The following GRIK2 variants were observed in gnomAD, a reference collection of about 807,000 sequenced individuals.
GRIK2 encodes the protein glutamate ionotropic receptor kainate type subunit 2.
In GRIK2, 32 loss-of-function variants were observed where a neutral mutation model predicts 100.3. The observed-to-expected ratio is 0.32, with a 90% CI of 0.24 to 0.43. The LOEUF is 0.43. Ranked by LOEUF, GRIK2 falls within the 20% of genes least tolerant of loss-of-function variation. The pLI is 1.00. For synonymous variants in GRIK2, 417 were observed against 389.4 expected (o/e 1.07, Z -0.83); for missense variants, 843 against 1,114.9 (o/e 0.76, Z 3.47).
rs572309608 is a variant in GRIK2, at chr6:101,855,521, CCT to C, written c.1318-3765_1318-3764del. Among the ~76,000 whole-genome samples the C allele has an allele frequency of 7.2e-4, 109 of 151,808 alleles. 3 individuals carry two copies. The highest frequency in any genetic ancestry group is 1.8e-4 in the Non-Finnish European group (12 of 67,934). Reference sequence around the variant, plus strand: ...TGTGAAGATCTTAAGATAGATCTTCCCTGTCAGAAAAATCAATCAATCAATCA... The same window carrying C: ...TGTGAAGATCTTAAGATAGATCTTCCGTCAGAAAAATCAATCAATCAATCA... On this transcript the variant is annotated intron_variant, in intron 10 of 16. Transcript: ENST00000369134.
At chr6:101,769,996 G>A (rs942868134) in intron 7 of GRIK2, among the ~76,000 whole-genome samples, 1 of 152,174 alleles carries the variant, frequency 6.6e-6, no homozygotes, top group Non-Finnish European at 1.5e-5. Context: ...GTAAGGTTCT[G>A]ATGGCCTTTG....
rs557817698 is a variant in GRIK2 at position 101,621,810 on chromosome 6, C to G, written c.116-139C>G. 1.3e-4 allele frequency: 81 copies of G among 646,660 alleles called. No homozygotes were observed. The African/African-American group carries it at 1.4e-3, about 11-fold the overall frequency. The allele number at this position is 646,660 out of a possible 1,614,324, so 40.1% of individuals were successfully genotyped here. A position where few individuals can be genotyped will look rare whatever the true frequency, so the allele number is the denominator to read the frequency against. ...CTTAAATCTCTCCCTCTCTCTCTCT[C>G]TTTCTCTCTCTCACACACACACACG... On this transcript the variant is annotated intron_variant, in intron 2 of 16. Transcript: ENST00000369134.
intron 16 of GRIK2, among the ~76,000 whole-genome samples, chr6:102,066,240 A>T (rs891605044): frequency 6.6e-6 from 1 of 151,578 alleles, no homozygotes; most frequent in African/African-American, 2.4e-5. Flanking sequence ...AAACCTGAAA[A>T]TTTTTTAAGC....
intron 7 of GRIK2, among the ~76,000 whole-genome samples, chr6:101,783,046 G>A (rs1221920160): frequency 6.6e-6 from 1 of 151,820 alleles, no homozygotes; most frequent in Non-Finnish European, 1.5e-5. Flanking sequence ...TTTTAGTAGA[G>A]ATGGGGTTTC....
intron 2 of GRIK2, among the ~76,000 whole-genome samples, chr6:101,495,372 G>A (rs1329653041): frequency 6.6e-6 from 1 of 152,040 alleles, no homozygotes; most frequent in African/African-American, 2.4e-5. Context: ...CAGGCGTGGT[G>A]GCGGGCACCT....
At chr6:101,437,738 C>T (rs1269944384) in intron 2 of GRIK2, among the ~76,000 whole-genome samples, 53 of 152,190 alleles carry the variant, frequency 3.5e-4, no homozygotes, top group Non-Finnish European at 5.9e-5. Context: ...CATCATTCCT[C>T]TGAGCTTCAG....
chr6:102,057,969 G>T (rs1156318524), intron 16 of GRIK2, among the ~76,000 whole-genome samples: 1 of 151,690 alleles, frequency 6.6e-6, no homozygotes, highest in African/African-American at 2.4e-5. Context: ...TTGTTTCTAA[G>T]AAGTGGAAGT....
chr6:101,399,046 A>G lies in GRIK2; in HGVS notation c.-232A>G, dbSNP rs542684043. ...ATTTCTCCCGGATGCTCTCCGACTA[A>G]CATGGATGTCCCACCATTCCTTGCA... On this transcript the variant is annotated 5_prime_UTR_variant, in exon 2 of 17. The change abolishes the stop of an existing upstream ORF in the 5' untranslated region. Coordinates refer to ENST00000369134, the MANE Select transcript of GRIK2 (RefSeq NM_021956.5). The G allele has an allele frequency of 2.1e-6, 1 of 475,398 alleles. No homozygotes were observed. Among genetic ancestry groups the G allele is most frequent in the South Asian group, 4.1e-5 (1 of 24,406 alleles). The allele number at this position is 475,398 out of a possible 1,614,324, so 29.4% of individuals were successfully genotyped here.
rs775577571 is a variant in GRIK2 at position 101,626,438 on chromosome 6, A to T, written c.342A>T (p.Ser114=). Residue 114 remains serine, a synonymous_variant, in exon 4 of 17, where the codon TCA becomes TCT. Coordinates refer to ENST00000369134, the MANE Select transcript of GRIK2 (RefSeq NM_021956.5). ...TCTTCGGGCCTTCACACAGCTCATC[A>T]GCAAACGCAGTGCAGTCCATCTGCA... The part of the protein sequence containing the change: ...AAIFGPSHSS[S]ANAVQSICNA... 1.2e-5 allele frequency: 19 copies of T among 1,613,624 alleles called. No homozygotes were observed. The highest frequency in any genetic ancestry group is 1.6e-5 in the Non-Finnish European group (19 of 1,179,820).
At chr6:102,060,991 C>A (rs1028487258) in intron 16 of GRIK2, among the ~76,000 whole-genome samples, 1 of 150,168 alleles carries the variant, frequency 6.7e-6, no homozygotes, top group Non-Finnish European at 1.5e-5. Context: ...TATATCACTG[C>A]CTTTCTTTGA....
At chr6:101,708,600 A>G (rs1176422839) in intron 7 of GRIK2, among the ~76,000 whole-genome samples, 1 of 151,754 alleles carries the variant, frequency 6.6e-6, no homozygotes, top group Non-Finnish European at 1.5e-5. Context: ...TTACTGATAA[A>G]TATGTTGATT....
intron 7 of GRIK2, among the ~76,000 whole-genome samples, chr6:101,780,019 T>C (rs1778991203): frequency 6.6e-6 from 1 of 152,184 alleles, no homozygotes; most frequent in Non-Finnish European, 1.5e-5. Flanking sequence ...TTTATCTAAC[T>C]ATCTCATATG....
intron 7 of GRIK2, among the ~76,000 whole-genome samples, chr6:101,794,009 C>A (rs555335473): frequency 2.6e-5 from 4 of 152,144 alleles, no homozygotes; most frequent in African/African-American, 9.7e-5. Context: ...TAGGACCCTC[C>A]GAGCCAGGTG....
At chr6:101,910,228 G>C (rs1342628953) in intron 12 of GRIK2, among the ~76,000 whole-genome samples, 1 of 151,036 alleles carries the variant, frequency 6.6e-6, no homozygotes, top group African/African-American at 2.4e-5. Flanking sequence ...AAACAGTTTA[G>C]TCAGTTTTTG....
intron 16 of GRIK2, among the ~76,000 whole-genome samples, chr6:102,061,580 T>C (rs1192199156): frequency 6.6e-6 from 1 of 150,592 alleles, no homozygotes; most frequent in Non-Finnish European, 1.5e-5. Context: ...CCTTCCTAGA[T>C]AGTAAGCATG....
intron 2 of GRIK2, among the ~76,000 whole-genome samples, chr6:101,566,182 ATGT>A (rs1365573930): frequency 2.0e-5 from 3 of 151,674 alleles, no homozygotes; most frequent in East Asian, 3.9e-4. Context: ...GTGCAAACCC[ATGT>A]TGTTCAAGAG....
chr6:101,543,415 A>G (rs1259210779), intron 2 of GRIK2, among the ~76,000 whole-genome samples: 2 of 152,204 alleles, frequency 1.3e-5, no homozygotes, highest in African/African-American at 2.4e-5. Flanking sequence ...GTTTTGGCCA[A>G]TGGGGACATT....
rs190941265 is a variant in GRIK2 at position 101,950,225 on chromosome 6, T to C, written c.2085+21593T>C. ...TGTTGTTGTTGCTGGTAATAAATCATTTTCTAAAATCTCTTCTCCCTCTAA... is the reference window on the plus strand; with the variant it reads ...TGTTGTTGTTGCTGGTAATAAATCACTTTCTAAAATCTCTTCTCCCTCTAA... On this transcript the variant is annotated intron_variant, in intron 14 of 16. Coordinates refer to ENST00000369134, the MANE Select transcript of GRIK2 (RefSeq NM_021956.5). Among the ~76,000 whole-genome samples, 427 of 152,240 alleles carry C rather than the reference T, an allele frequency of 2.8e-3. 4 individuals carry two copies. Among genetic ancestry groups the C allele is most frequent in the East Asian group, 0.024 (122 of 5,176 alleles).
chr6:101,878,070 G>GTATATTATAT lies in GRIK2; in HGVS notation c.1525-11517_1525-11508dup, dbSNP rs67537651. Among the ~76,000 whole-genome samples the GTATATTATAT allele has an allele frequency of 3.8e-3, 512 of 135,556 alleles. 5 individuals are homozygous for GTATATTATAT. Among genetic ancestry groups the GTATATTATAT allele is most frequent in the East Asian group, 6.3e-3 (29 of 4,606 alleles). 88.9% of individuals were successfully genotyped at this position (135,556 alleles called of 152,430 possible). A position where few individuals can be genotyped will look rare whatever the true frequency, so the allele number is the denominator to read the frequency against. On this transcript the variant is annotated intron_variant, in intron 11 of 16. Transcript: ENST00000369134. Reference sequence around the variant, plus strand: ...TATGAAGTGCTTAGAATCGTGCCAGGTATATTATATTATATTATATTATAT... The same window carrying GTATATTATAT: ...TATGAAGTGCTTAGAATCGTGCCAGGTATATTATATTATATTATATTATATTATATTATAT...
Sources: allele counts gnomAD v4.1 joint callset (sites outside exome capture counted in the v4.1 genomes callset), GRCh38; gene constraint gnomAD v4.1.1; transcripts MANE v1.5; gene names NCBI Gene and HGNC (gene_info 2026-07-23, HGNC 2026-07-21).